Variants in SCARB2 observed in about 807,000 individuals in gnomAD.
The protein encoded by SCARB2 is lysosome membrane protein 2.
A neutral mutation model predicts 58.6 loss-of-function variants in SCARB2; 29 were observed. That is an observed-to-expected ratio of 0.49 (90% confidence interval 0.37 to 0.67). The LOEUF is 0.67. Ranked by LOEUF, SCARB2 falls within the 30% of genes least tolerant of loss-of-function variation. The pLI is 0.00. For synonymous variants in SCARB2, 195 were observed against 210.1 expected, an observed-to-expected ratio of 0.93 and a Z score of 0.62; for missense variants, 488 against 578.5, an observed-to-expected ratio of 0.84 and a Z score of 1.60.
intron 1 of SCARB2, 95 bp downstream of exon 1, chr4:76,213,332 C>A: frequency 1.2e-6 from 1 of 862,538 alleles, no homozygotes; most frequent in Non-Finnish European, 1.9e-6. Context: ...GAGGGTCTGC[C>A]TGAGTGCTGG....
chr4:76,216,059 G>A (rs1418277011), upstream of SCARB2, among the ~76,000 whole-genome samples: 1 of 152,102 alleles, frequency 6.6e-6, no homozygotes, highest in African/African-American at 2.4e-5. Flanking sequence ...AGAACCTGGT[G>A]GGGTCCTGAA....
intron 1 of SCARB2, among the ~76,000 whole-genome samples, chr4:76,226,232 AAAG>A (rs1393561501): frequency 1.3e-5 from 2 of 152,186 alleles, no homozygotes; most frequent in Admixed American, 6.5e-5. Context: ...GTAATCAAAC[AAAG>A]AAGCAGGTGG....
chr4:76,183,495 G>T (rs987885496), intron 2 of SCARB2, among the ~76,000 whole-genome samples: 1 of 152,200 alleles, frequency 6.6e-6, no homozygotes, highest in African/African-American at 2.4e-5. Flanking sequence ...ATATTACAAA[G>T]TATACAGATG....
chr4:76,164,728 G>C (rs1369642999), intron 10 of SCARB2: 1 of 150,840 alleles, frequency 6.6e-6, no homozygotes, highest in African/African-American at 2.5e-5. Flanking sequence ...TTGAGCCCGG[G>C]AAGTCGAGGC....
chr4:76,202,307 G>A (rs903337344), intron 1 of SCARB2, among the ~76,000 whole-genome samples: 4 of 152,222 alleles, frequency 2.6e-5, no homozygotes, highest in African/African-American at 9.6e-5. Flanking sequence ...CTGTTGCCCA[G>A]GCTGGAGTGC....
At chr4:76,220,897 C>G (rs7675963) in intron 1 of SCARB2, among the ~76,000 whole-genome samples, 82,469 of 152,012 alleles carry the variant, frequency 0.54, 23,561 homozygotes, top group African/African-American at 0.6. Context: ...GCTGGGACCA[C>G]AGGGGTTTCT....
chr4:76,163,662 T>C (rs1578712414), intron 10 of SCARB2: 1 of 476,576 alleles, frequency 2.1e-6, no homozygotes, highest in East Asian at 4.0e-5. Context: ...TTTTGTTTTA[T>C]GTCAGATAAT....
At chr4:76,188,443 T>A (rs981571722) in intron 2 of SCARB2, among the ~76,000 whole-genome samples, 1 of 152,226 alleles carries the variant, frequency 6.6e-6, no homozygotes, top group Non-Finnish European at 1.5e-5. Flanking sequence ...CTCCCCAGTA[T>A]GTGAAAGGTT....
At chr4:76,183,609 A>G (rs911931260) in intron 2 of SCARB2, among the ~76,000 whole-genome samples, 2 of 152,162 alleles carry the variant, frequency 1.3e-5, no homozygotes, top group African/African-American at 4.8e-5. Context: ...TTCTCTGGAA[A>G]CTCTCCAAAT....
In SCARB2 at chr4:76,159,147, T is replaced by C. The variant is rs965698619; in HGVS notation, c.*2566A>G. On this transcript the variant is annotated 3_prime_UTR_variant, in exon 12 of 12. Coordinates refer to ENST00000264896, the MANE Select transcript of SCARB2 (RefSeq NM_005506.4). ...CCTAATTTTCCCTGAGAGAAGTGAGTTAAGCTCTCTGTCTTGGTTTCTTCC... is the reference window on the plus strand; with the variant it reads ...CCTAATTTTCCCTGAGAGAAGTGAGCTAAGCTCTCTGTCTTGGTTTCTTCC... The C allele has an allele frequency of 4.6e-5, 7 of 152,152 alleles. No individual in the cohort carries two copies. The highest frequency in any genetic ancestry group is 1.7e-4 in the African/African-American group (7 of 41,434). 9.4% of individuals were successfully genotyped at this position (152,152 alleles called of 1,614,324 possible).
chr4:76,158,858 G>GT lies in SCARB2; in HGVS notation c.*2854dup, dbSNP rs1274197646. On this transcript the variant is annotated 3_prime_UTR_variant, in exon 12 of 12. Transcript: ENST00000264896. Reference sequence around the variant, plus strand: ...AGCTACATGAAGAGCATTCTGGTCAGTATTCTTGTTAACAGGCACAAGCAA... The same window carrying GT: ...AGCTACATGAAGAGCATTCTGGTCAGTTATTCTTGTTAACAGGCACAAGCAA... The GT allele has an allele frequency of 6.6e-5, 10 of 152,246 alleles. No individual in the cohort carries two copies. Among genetic ancestry groups the GT allele is most frequent in the African/African-American group, 2.2e-4 (9 of 41,458 alleles). 9.4% of individuals were successfully genotyped at this position (152,246 alleles called of 1,614,324 possible).
intron 2 of SCARB2, among the ~76,000 whole-genome samples, chr4:76,188,953 T>G (rs1050928365): frequency 2.6e-5 from 4 of 152,316 alleles, no homozygotes; most frequent in Middle Eastern, 6.8e-3. Flanking sequence ...AACCTATATT[T>G]GGGTTTCCTG....
chr4:76,219,253 C>T (rs1733266729), intron 1 of SCARB2, among the ~76,000 whole-genome samples: 1 of 152,232 alleles, frequency 6.6e-6, no homozygotes, highest in African/African-American at 2.4e-5. Flanking sequence ...GAGACAATGC[C>T]TCTGCCTGAA....
At chr4:76,165,882 T>G (rs1222482279) in intron 10 of SCARB2, 3 of 337,474 alleles carry the variant, frequency 8.9e-6, no homozygotes, top group African/African-American at 6.3e-5. Context: ...CCAGCATGGT[T>G]TCAAAGAAGG....
intron 4 of SCARB2, among the ~76,000 whole-genome samples, chr4:76,177,339 TAA>T (rs1208141818): frequency 1.2e-4 from 17 of 137,036 alleles, no homozygotes; most frequent in African/African-American, 8.0e-5. Context: ...GGAGGGCAAT[TAA>T]AAAAAAAAAA....
At chr4:76,227,330 C>A (rs1439528430) in intron 1 of SCARB2, among the ~76,000 whole-genome samples, 1 of 152,040 alleles carries the variant, frequency 6.6e-6, no homozygotes, top group Non-Finnish European at 1.5e-5. Context: ...TATTTAATGT[C>A]CATTATTTGT....
rs149130291 is a variant in SCARB2 at position 76,190,199 on chromosome 4, G to A, written c.275+5508C>T. Among the ~76,000 whole-genome samples, 732 of 151,856 alleles carry A rather than the reference G, an allele frequency of 4.8e-3. 7 individuals carry two copies. Among genetic ancestry groups the A allele is most frequent in the African/African-American group, 0.017 (684 of 41,424 alleles). ...AATTTTTTGTATTTTTGTTAAAGAC[G>A]GAGTTTTGCTATGTTGCCCAGCCTA... On this transcript the variant is annotated intron_variant, in intron 2 of 11. Coordinates refer to ENST00000264896, the MANE Select transcript of SCARB2 (RefSeq NM_005506.4).
At chr4:76,197,506 C>T (rs946492534) in intron 1 of SCARB2, among the ~76,000 whole-genome samples, 1 of 150,016 alleles carries the variant, frequency 6.7e-6, no homozygotes, top group Non-Finnish European at 1.5e-5. Flanking sequence ...TTCCACTGAG[C>T]CAGCTGAGCT....
chr4:76,223,106 A>C (rs1114091), intron 1 of SCARB2, among the ~76,000 whole-genome samples: 2 of 151,912 alleles, frequency 1.3e-5, no homozygotes, highest in Admixed American at 1.3e-4. Flanking sequence ...GCAGATGTCA[A>C]CCTCTTGTCA....
Sources: gnomAD v4.1 joint callset for allele counts (sites outside exome capture counted in the v4.1 genomes callset) on GRCh38, gnomAD v4.1.1 for gene constraint, MANE v1.5 for transcripts, NCBI Gene and HGNC (gene_info 2026-07-23, HGNC 2026-07-21) for gene names.